Variants in DTX2 observed in about 807,000 individuals in gnomAD.
DTX2 encodes deltex E3 ubiquitin ligase 2.
Under a neutral mutation model 55.3 loss-of-function variants are expected in DTX2, and 29 were observed. That is an observed-to-expected ratio of 0.52 (90% CI 0.39 to 0.71). The LOEUF (loss-of-function observed/expected upper bound fraction) is 0.71, where lower values mean the gene tolerates loss of function less well. DTX2 is among the 30% of genes least tolerant of loss of function. The pLI is 0.00. For missense variants in DTX2, 537 were observed against 822.5 expected (o/e 0.65, Z 4.25); for synonymous variants, 276 against 340.4 (o/e 0.81, Z 2.08).
At chr7:76,498,811 GGGTGTGTGGGGTGTGTAGAGGTGA>G (rs1171728595) in intron 6 of DTX2, among the ~76,000 whole-genome samples, 639 of 139,132 alleles carry the variant, frequency 4.6e-3, no homozygotes, top group Admixed American at 7.8e-3. Flanking sequence ...TGGAGGTGTG[GGGTGTGTGGGGTGTGTAGAGGTGA>G]GGGTGTGTGG....
At position 76,502,312 on chromosome 7, in the gene DTX2, C is replaced by T. The variant is rs376209701; in HGVS notation, c.1245C>T (p.Cys415=). ...KVPPDEDCII[C]MEKLSTASGY... is the part of the protein sequence containing the mutation. Reference sequence around the variant, plus strand: ...GTCTCCTCCAGGACTGCATCATCTGCATGGAGAAGCTGTCCACAGCGTCTG... The same window carrying T: ...GTCTCCTCCAGGACTGCATCATCTGTATGGAGAAGCTGTCCACAGCGTCTG... The change falls in exon 8 of 11, where the codon TGC becomes TGT. Residue 415 remains cysteine, a synonymous_variant. Transcript: ENST00000430490. 3 of 1,607,142 alleles carry T rather than the reference C, an allele frequency of 1.9e-6. No homozygotes were observed. Among genetic ancestry groups the T allele is most frequent in the African/African-American group, 2.7e-5 (2 of 74,870 alleles).
At chr7:76,475,595 G>A (rs1274518705) in intron 2 of DTX2, among the ~76,000 whole-genome samples, 12 of 133,914 alleles carry the variant, frequency 9.0e-5, no homozygotes, top group East Asian at 4.8e-4. Flanking sequence ...GCTGCAGCAG[G>A]AGAACTGCTT....
Position 76,472,452 on chromosome 7 carries a change from A to G in DTX2, c.-89-7969A>G, listed in dbSNP as rs558116272. On this transcript the variant is annotated intron_variant, in intron 2 of 10. Coordinates refer to ENST00000430490, the MANE Select transcript of DTX2 (RefSeq NM_001102594.3). ...GGGGATTCTCCTGCCTCAGCTTCCC[A>G]GGTAGCTGGGATTACAGGTGCATGC... Among the ~76,000 whole-genome samples, 3 of 144,772 alleles carry G rather than the reference A, an allele frequency of 2.1e-5. No individual in the cohort carries two copies. The South Asian group carries it at 7.0e-4, about 34-fold the overall frequency. 95.0% of individuals were successfully genotyped at this position (144,772 alleles called of 152,430 possible). A position where few individuals can be genotyped will look rare whatever the true frequency, so the allele number is the denominator to read the frequency against.
intron 10 of DTX2, among the ~76,000 whole-genome samples, chr7:76,504,825 A>C (rs1463059000): frequency 6.6e-6 from 1 of 151,998 alleles, no homozygotes; most frequent in Non-Finnish European, 1.5e-5. Flanking sequence ...CGAGCCTTCC[A>C]GGAAGGCAGG....
Position 76,481,943 on chromosome 7 carries a change from C to T in DTX2, c.269-565C>T, listed in dbSNP as rs377120126. Among the ~76,000 whole-genome samples the T allele has an allele frequency of 1.9e-4, 29 of 151,736 alleles. No homozygotes were observed. In the East Asian group the frequency reaches 2.5e-3, roughly 13 times the overall value. On this transcript the variant is annotated intron_variant, in intron 3 of 10. Coordinates refer to ENST00000430490, the MANE Select transcript of DTX2 (RefSeq NM_001102594.3). ...CAACTCCTGAGCTCAAGTGATCCTC[C>T]TGCCTTGGCCTCCGAAAGTGTTGGG...
chr7:76,482,154 G>A (rs1809302789), intron 3 of DTX2, among the ~76,000 whole-genome samples: 1 of 151,864 alleles, frequency 6.6e-6, no homozygotes, highest in African/African-American at 2.4e-5. Flanking sequence ...GTGGCAGAGA[G>A]CAGGAAGTGT....
In DTX2 at chr7:76,482,651, A is replaced by G. The variant is rs529961720; in HGVS notation, c.412A>G (p.Arg138Gly). The G allele has an allele frequency of 1.2e-6, 2 of 1,613,842 alleles. No homozygotes were observed. Among genetic ancestry groups the G allele is most frequent in the African/African-American group, 2.7e-5 (2 of 74,998 alleles). ...TGACTATCTGGAGCAGCAGGTGGCC[A>G]GGGGCAACCAGCTCGTGGACTTGGC... ...VCDYLEQQVARGNQLVDLAPL... is the reference protein window; with the variant it reads ...VCDYLEQQVAGGNQLVDLAPL... The change falls in exon 4 of 11, where the codon AGG becomes GGG. Residue 138 changes from arginine (R) to glycine (G), a missense_variant. Physicochemically the swap from Arg to Gly is moderately radical, Grantham distance 125. Coordinates refer to ENST00000430490, the MANE Select transcript of DTX2 (RefSeq NM_001102594.3).
chr7:76,482,542 C>G lies in DTX2; in HGVS notation c.303C>G (p.Pro101=). 1 of 1,610,944 alleles carries G rather than the reference C, an allele frequency of 6.2e-7. No individual in the cohort carries two copies. The highest frequency in any genetic ancestry group is 1.1e-5 in the South Asian group (1 of 90,934). Residue 101 remains proline, a synonymous_variant, in exon 4 of 11, where the codon CCC becomes CCG. Coordinates refer to ENST00000430490, the MANE Select transcript of DTX2 (RefSeq NM_001102594.3). ...GGGCTGTGCGGAGACACCTGTTCCC[C>G]CAGCACTCAGCCCCTGGCCGAGGTG... ...TMRAVRRHLF[P]QHSAPGRGVV...
At chr7:76,500,739 C>T (rs528742189) in intron 7 of DTX2, among the ~76,000 whole-genome samples, 1 of 151,740 alleles carries the variant, frequency 6.6e-6, no homozygotes, top group East Asian at 2.0e-4. Flanking sequence ...AGCAAAGCCC[C>T]TCCTCTCCCG....
chr7:76,466,592 CTTTTT>C (rs66718202), intron 2 of DTX2, among the ~76,000 whole-genome samples: 2 of 143,998 alleles, frequency 1.4e-5, no homozygotes, highest in Non-Finnish European at 3.1e-5. Flanking sequence ...TTCTCTGTCT[CTTTTT>C]TTTTTTTCTT....
intron 3 of DTX2, 100 bp downstream of exon 3, chr7:76,480,877 T>C: frequency 7.5e-7 from 1 of 1,338,872 alleles, no homozygotes; most frequent in South Asian, 1.5e-5. Context: ...CTTACAGAGC[T>C]TCTGCTCTCT....
At chr7:76,468,780 T>TTTTTTA (rs1807498793) in intron 2 of DTX2, among the ~76,000 whole-genome samples, 3 of 115,212 alleles carry the variant, frequency 2.6e-5, no homozygotes, top group South Asian at 2.9e-4. Context: ...TTTTTTTTTT[T>TTTTTTA]GAGGCAGGGT....
rs1381608142 is a variant in DTX2, at chr7:76,463,624, T to A, written c.-175T>A. Reference sequence around the variant, plus strand: ...TTGTTGTTTGTGGTTTGTATCAAGATGGGAACTCAAACAAGTCATTCCTCC... The same window carrying A: ...TTGTTGTTTGTGGTTTGTATCAAGAAGGGAACTCAAACAAGTCATTCCTCC... On this transcript the variant is annotated 5_prime_UTR_variant, in exon 2 of 11. The change abolishes an upstream ATG in the 5' untranslated region. Coordinates refer to ENST00000430490, the MANE Select transcript of DTX2 (RefSeq NM_001102594.3). The A allele has an allele frequency of 6.6e-6, 1 of 150,896 alleles. No homozygotes were observed. The highest frequency in any genetic ancestry group is 1.5e-5 in the Non-Finnish European group (1 of 67,838). 9.3% of individuals were successfully genotyped at this position (150,896 alleles called of 1,614,324 possible). A position where few individuals can be genotyped will look rare whatever the true frequency, so the allele number is the denominator to read the frequency against.
intron 2 of DTX2, among the ~76,000 whole-genome samples, chr7:76,471,529 T>G (rs1431611343): frequency 6.7e-6 from 1 of 149,428 alleles, no homozygotes; most frequent in East Asian, 2.0e-4. Flanking sequence ...GCTTGGCTGT[T>G]ATTTATTTTT....
chr7:76,469,359 GAT>G (rs1491265390), intron 2 of DTX2, among the ~76,000 whole-genome samples: 5 of 91,754 alleles, frequency 5.4e-5, no homozygotes, highest in African/African-American at 1.8e-4. Context: ...TTGAAATCTA[GAT>G]TTTTTTTTTT....
At chr7:76,482,200 T>G (rs1584180964) in intron 3 of DTX2, among the ~76,000 whole-genome samples, 2 of 149,478 alleles carry the variant, frequency 1.3e-5, no homozygotes, top group Non-Finnish European at 3.0e-5. Flanking sequence ...GTTGTAGAGG[T>G]CGATTTGAAG....
chr7:76,467,541 A>G (rs2116140075), intron 2 of DTX2, among the ~76,000 whole-genome samples: 1 of 91,942 alleles, frequency 1.1e-5, no homozygotes, highest in South Asian at 4.8e-4. Context: ...TCTATTGCAA[A>G]TATCTTCTCC....
chr7:76,498,426 C>T (rs1213332296), intron 6 of DTX2, among the ~76,000 whole-genome samples: 11 of 151,512 alleles, frequency 7.3e-5, no homozygotes, highest in Admixed American at 1.3e-4. Flanking sequence ...GTTGGCAGCC[C>T]GGGCTGGCAA....
intron 8 of DTX2, chr7:76,503,225 C>T (rs940969432): frequency 5.5e-5 from 34 of 620,568 alleles, no homozygotes; most frequent in Non-Finnish European, 6.1e-5. Context: ...TGTCCCTTAA[C>T]GAAAATGGCA....
Sources: allele counts gnomAD v4.1 joint callset (sites outside exome capture counted in the v4.1 genomes callset), GRCh38; gene constraint gnomAD v4.1.1; transcripts MANE v1.5; gene names NCBI Gene and HGNC (gene_info 2026-07-23, HGNC 2026-07-21).